SHROOM4: variants seen among roughly 807,000 people sequenced by gnomAD.
The protein encoded by SHROOM4 is protein Shroom4.
In SHROOM4, 17 loss-of-function variants were observed where a neutral mutation model predicts 80.3. That is an observed-to-expected ratio of 0.21 (90% CI 0.14 to 0.32). SHROOM4 has a LOEUF of 0.32. Ranked by LOEUF, SHROOM4 falls within the 10% of genes least tolerant of loss-of-function variation. The pLI is 1.00. For missense variants in SHROOM4, 993 were observed against 1,140.3 expected (o/e 0.87, Z 1.86); for synonymous variants, 400 against 437.5 (o/e 0.91, Z 1.07).
At chrX:50,706,027 C>T (rs1933663839) in intron 1 of SHROOM4, among the ~76,000 whole-genome samples, 1 of 109,291 alleles carries the variant, frequency 9.1e-6, no homozygotes, top group African/African-American at 3.3e-5. Context: ...CACACACACA[C>T]ACACACACAC....
At chrX:50,617,027 T>C (rs1930270281) in intron 5 of SHROOM4, among the ~76,000 whole-genome samples, 1 of 111,911 alleles carries the variant, frequency 8.9e-6, no homozygotes, top group South Asian at 3.8e-4. Flanking sequence ...TGCTCCATGA[T>C]AACAATCAAA....
intron 1 of SHROOM4, among the ~76,000 whole-genome samples, chrX:50,701,640 A>G (rs781869838): frequency 8.9e-6 from 1 of 112,149 alleles, no homozygotes; most frequent in South Asian, 3.7e-4. Context: ...AAGCTTTATT[A>G]ATATTTAATA....
Position 50,596,521 on chromosome X carries a change from G to T in SHROOM4, c.*174C>A, listed in dbSNP as rs1557246655. 3 of 640,542 alleles carry T rather than the reference G, an allele frequency of 4.7e-6. No individual in the cohort carries two copies. In the Middle Eastern group the frequency reaches 1.4e-3, roughly 294 times the overall value. 52.8% of individuals were successfully genotyped at this position (640,542 alleles called of 1,213,427 possible). On this transcript the variant is annotated 3_prime_UTR_variant, in exon 9 of 9. Transcript: ENST00000376020. The stretch of plus-strand genomic sequence containing the variant: ...GGTAGAAGCTTGTGGCTTCCCCAGG[G>T]TCTCCTAGCTGGTTAGGACCACTGC...
chrX:50,784,493 G>C (rs782737227), intron 1 of SHROOM4, among the ~76,000 whole-genome samples: 1 of 111,348 alleles, frequency 9.0e-6, no homozygotes, highest in Non-Finnish European at 1.9e-5. Flanking sequence ...ATCAAATAGT[G>C]CTGGAACAAT....
intron 1 of SHROOM4, among the ~76,000 whole-genome samples, chrX:50,796,765 T>C (rs782761528): frequency 9.1e-6 from 1 of 110,046 alleles, no homozygotes; most frequent in Non-Finnish European, 1.9e-5. Context: ...AGCAGGTGGA[T>C]ATGAGGGCTA....
At chrX:50,582,618 A>G (rs183041181), downstream of SHROOM4, among the ~76,000 whole-genome samples, 315 of 111,678 alleles carry the variant, frequency 2.8e-3, 1 homozygote, top group Non-Finnish European at 2.9e-3. Context: ...ATTTGGATTG[A>G]CACTGGTTTT....
chrX:50,622,578 C>T (rs910005048), intron 5 of SHROOM4, among the ~76,000 whole-genome samples: 3 of 112,342 alleles, frequency 2.7e-5, no homozygotes, highest in African/African-American at 9.7e-5. Context: ...CAATTCATTG[C>T]AGGCTTCCAG....
At position 50,654,925 on chromosome X, in the gene SHROOM4, T is replaced by G. The variant is rs185968783; in HGVS notation, c.270-16617A>C. On this transcript the variant is annotated intron_variant, in intron 2 of 8. Transcript: ENST00000376020. ...CAGTACCCAATAGTTTTCCAGTCCT[T>G]GTCCCCCTCTGTCCTTCCCTCCCCT... Among the ~76,000 whole-genome samples the G allele has an allele frequency of 8.1e-4, 84 of 103,906 alleles. No homozygotes were observed. In the East Asian group the frequency reaches 0.025, roughly 31 times the overall value. 90.2% of individuals were successfully genotyped at this position (103,906 alleles called of 115,157 possible). A position where few individuals can be genotyped will look rare whatever the true frequency, so the allele number is the denominator to read the frequency against.
At chrX:50,651,734 C>A (rs782692413) in intron 2 of SHROOM4, among the ~76,000 whole-genome samples, 2 of 108,173 alleles carry the variant, frequency 1.8e-5, no homozygotes, top group Admixed American at 9.9e-5. Flanking sequence ...CCTCCCCTAG[C>A]CCCTTAACCC....
chrX:50,794,647 T>C (rs6614351), intron 1 of SHROOM4, among the ~76,000 whole-genome samples: 34 of 97,201 alleles, frequency 3.5e-4, no homozygotes, highest in Middle Eastern at 5.2e-3. Context: ...CACACACACA[T>C]ACACACACAC....
chrX:50,751,690 C>T (rs782428447), intron 1 of SHROOM4, among the ~76,000 whole-genome samples: 47 of 111,911 alleles, frequency 4.2e-4, no homozygotes, highest in Non-Finnish European at 8.5e-4. Flanking sequence ...ACATTCTGTC[C>T]TGACTTCATA....
intron 2 of SHROOM4, among the ~76,000 whole-genome samples, chrX:50,651,943 T>C (rs187992695): frequency 1.3e-3 from 147 of 111,819 alleles, no homozygotes; most frequent in African/African-American, 4.7e-3. Context: ...TAGTATTCCA[T>C]GGTGTATATG....
Position 50,793,295 on chromosome X carries a change from G to A in SHROOM4, c.117+20607C>T, listed in dbSNP as rs1452771426. ...CAGGAGCCAGGGGGAGAGGGAAATG[G>A]GGAGTTGCTATTCAAGGGGTATAAA... is the stretch of plus-strand genomic sequence containing the variant. On this transcript the variant is annotated intron_variant, in intron 1 of 8. Coordinates refer to ENST00000376020, the MANE Select transcript of SHROOM4 (RefSeq NM_020717.5). 3.6e-5 allele frequency among the ~76,000 whole-genome samples: 4 copies of A among 109,951 alleles called. No homozygotes were observed. The Admixed American group carries it at 3.9e-4, about 11-fold the overall frequency.
At chrX:50,620,967 T>A (rs1437828003) in intron 5 of SHROOM4, among the ~76,000 whole-genome samples, 1 of 111,644 alleles carries the variant, frequency 9.0e-6, no homozygotes, top group Non-Finnish European at 1.9e-5. Context: ...AGCTTTTTAT[T>A]ACATTTTGTT....
intron 2 of SHROOM4, among the ~76,000 whole-genome samples, chrX:50,693,264 T>C (rs1483888444): frequency 2.7e-5 from 3 of 111,069 alleles, no homozygotes; most frequent in Admixed American, 9.5e-5. Context: ...GGAAACTGAC[T>C]ATCTTGAAAG....
In SHROOM4 at chrX:50,635,170, AGGCT is replaced by A; in HGVS notation, c.899_902del (p.Glu300ValfsTer11). 1 of 1,207,340 alleles carries A rather than the reference AGGCT, an allele frequency of 8.3e-7. No homozygotes were observed. Among genetic ancestry groups the A allele is most frequent in the Non-Finnish European group, 1.1e-6 (1 of 893,044 alleles). ...TCTCCTTCTGTGGCAAGGGGACCAC[AGGCT>A]CAGATGCCCTGCGCTGCTCTCCATT... On this transcript the variant is annotated frameshift_variant, in exon 4 of 9. Coordinates refer to ENST00000376020, the MANE Select transcript of SHROOM4 (RefSeq NM_020717.5). LOFTEE classifies it high-confidence loss of function.
chrX:50,652,098 A>C (rs928769631), intron 2 of SHROOM4, among the ~76,000 whole-genome samples: 8 of 112,087 alleles, frequency 7.1e-5, no homozygotes, highest in Non-Finnish European at 1.5e-4. Context: ...GTATATATCC[A>C]GTAATGGGAT....
chrX:50,591,456 T>C lies in SHROOM4; in HGVS notation c.*5239A>G, dbSNP rs1569546194. Among the ~76,000 whole-genome samples, 2 of 111,806 alleles carry C rather than the reference T, an allele frequency of 1.8e-5. No homozygotes were observed. Among genetic ancestry groups the C allele is most frequent in the Non-Finnish European group, 3.8e-5 (2 of 53,189 alleles). On this transcript the variant is annotated 3_prime_UTR_variant, in exon 9 of 9. Coordinates refer to ENST00000376020, the MANE Select transcript of SHROOM4 (RefSeq NM_020717.5). ...AAGCCACTGGAATTCTGATAAGCAC[T>C]GGATTGAATCTGTAGATCAATTTGG...
chrX:50,626,317 C>T (rs1415420927), intron 5 of SHROOM4, among the ~76,000 whole-genome samples: 1 of 112,134 alleles, frequency 8.9e-6, no homozygotes, highest in Non-Finnish European at 1.9e-5. Flanking sequence ...ATAGTTACCA[C>T]GTGCTGCCCC....
Sources: gnomAD v4.1 joint callset for allele counts (sites outside exome capture counted in the v4.1 genomes callset) on GRCh38, gnomAD v4.1.1 for gene constraint, MANE v1.5 for transcripts, NCBI Gene and HGNC (gene_info 2026-07-23, HGNC 2026-07-21) for gene names.